Variants in PLIN3 observed in about 807,000 individuals in gnomAD.
The protein encoded by PLIN3 is perilipin 3, also known as perilipin-3.
In PLIN3, 30 loss-of-function variants were observed where a neutral mutation model predicts 35.9. The ratio of observed to expected loss-of-function variants is 0.84; its 90% CI spans 0.62 to 1.13. The LOEUF (loss-of-function observed/expected upper bound fraction) is 1.13. Among genes scored for constraint, PLIN3 ranks in the 50% most tolerant of loss-of-function variants. PLIN3 has a pLI of 0.00. For missense variants in PLIN3, 603 were observed against 596.9 expected (o/e 1.01, Z -0.11); for synonymous variants, 261 against 262.5 (o/e 0.99, Z 0.06).
At chr19:4,865,818 G>A (rs952051025) in intron 1 of PLIN3, among the ~76,000 whole-genome samples, 6 of 146,854 alleles carry the variant, frequency 4.1e-5, no homozygotes, top group African/African-American at 1.5e-4. Context: ...CTGCCTCCCC[G>A]GTTCACGCCA....
In PLIN3 at chr19:4,845,553, T is replaced by C. The variant is rs372465455; in HGVS notation, c.835-760A>G. 2.0e-4 allele frequency among the ~76,000 whole-genome samples: 31 copies of C among 152,198 alleles called. No homozygotes were observed. The South Asian group carries it at 6.2e-3, about 31-fold the overall frequency. The stretch of plus-strand genomic sequence containing the variant: ...GGGAGGCCAAGGGGGTTGGATCAGT[T>C]GAGCTCAGTAGCTCCAGAACAGCAT... On this transcript the variant is annotated intron_variant, in intron 6 of 7. Transcript: ENST00000221957.
intron 2 of PLIN3, among the ~76,000 whole-genome samples, chr19:4,860,511 T>G (rs2030640450): frequency 6.6e-6 from 1 of 152,020 alleles, no homozygotes; most frequent in Admixed American, 6.6e-5. Flanking sequence ...CCCACGTGCT[T>G]CCTTGAACAC....
Position 4,859,946 on chromosome 19 carries a change from T to C in PLIN3, c.145A>G (p.Thr49Ala). 1 of 1,614,078 alleles carries C rather than the reference T, an allele frequency of 6.2e-7. No individual in the cohort carries two copies. Among genetic ancestry groups the C allele is most frequent in the Non-Finnish European group, 8.5e-7 (1 of 1,179,984 alleles). The change falls in exon 3 of 8, where the codon ACC (threonine) becomes GCC (alanine). Residue 49 changes from threonine (T) to alanine (A), a missense_variant. Transcript: ENST00000221957. ...CDMVSAAYAS[T>A]KESYPHIKTV... The stretch of plus-strand genomic sequence containing the variant: ...TTGATGTGCGGGTAGCTCTCCTTGG[T>C]GGAGGCATAGGCTGCGGACACCATG...
In PLIN3 at chr19:4,839,778, G is replaced by C. The variant is rs552625870; in HGVS notation, c.961-242C>G. On this transcript the variant is annotated intron_variant, in intron 7 of 7. Coordinates refer to ENST00000221957, the MANE Select transcript of PLIN3 (RefSeq NM_005817.5). ...CCTCTCAGGTTCGCGCCATTCTCCT[G>C]CCTCAGCCTCCCGAGTAGCTGGGAC... is the stretch of plus-strand genomic sequence containing the variant. Among the ~76,000 whole-genome samples the C allele has an allele frequency of 2.4e-3, 355 of 147,244 alleles. 1 individual carries two copies. The highest frequency in any genetic ancestry group is 8.4e-3 in the African/African-American group (333 of 39,820).
At chr19:4,854,931 A>G (rs560822812) in intron 4 of PLIN3, among the ~76,000 whole-genome samples, 3 of 152,014 alleles carry the variant, frequency 2.0e-5, no homozygotes, top group Non-Finnish European at 2.9e-5. Context: ...CCTGGGCAAC[A>G]TAGTAAGACC....
chr19:4,852,398 G>A (rs925833993), intron 4 of PLIN3, 97 bp from the exon 5 acceptor site: 29 of 1,422,078 alleles, frequency 2.0e-5, no homozygotes, highest in East Asian at 4.8e-5. Flanking sequence ...GGCGGGGAGC[G>A]CCATCCCCCG....
intron 7 of PLIN3, among the ~76,000 whole-genome samples, chr19:4,840,116 T>C (rs1362632479): frequency 6.6e-6 from 1 of 151,488 alleles, no homozygotes; most frequent in Non-Finnish European, 1.5e-5. Flanking sequence ...TACAGGCGCG[T>C]GCCACCACGC....
At chr19:4,846,888 AT>A (rs912854737) in intron 6 of PLIN3, among the ~76,000 whole-genome samples, 508 of 138,136 alleles carry the variant, frequency 3.7e-3, no homozygotes, top group Middle Eastern at 0.011. Context: ...GACAGTACGA[AT>A]TTTTTTTTTT....
rs869169763 is a variant in PLIN3, at chr19:4,858,699, T to TA, written c.348+890_348+891insT. Reference sequence around the variant, plus strand: ...GCCTGGCCAGAATATGGTGTTTTTTTGGTTTTTTTTTTTTTTTTTGAGATG... The same window carrying TA: ...GCCTGGCCAGAATATGGTGTTTTTTTAGGTTTTTTTTTTTTTTTTTGAGATG... On this transcript the variant is annotated intron_variant, in intron 4 of 7. Transcript: ENST00000221957. Among the ~76,000 whole-genome samples, 13 of 106,562 alleles carry TA rather than the reference T, an allele frequency of 1.2e-4. No homozygotes were observed. In the East Asian group the frequency reaches 3.1e-3, roughly 26 times the overall value. The allele number at this position is 106,562 out of a possible 152,430, so 69.9% of individuals were successfully genotyped here.
intron 7 of PLIN3, among the ~76,000 whole-genome samples, chr19:4,842,632 C>G (rs934407340): frequency 1.4e-5 from 2 of 142,818 alleles, no homozygotes; most frequent in African/African-American, 2.6e-5. Context: ...AAGGCACACA[C>G]TGGGAGGTAG....
intron 1 of PLIN3, among the ~76,000 whole-genome samples, chr19:4,864,419 G>A (rs2030780637): frequency 6.6e-6 from 1 of 151,684 alleles, no homozygotes; most frequent in African/African-American, 2.4e-5. Context: ...AAAGTGCTGG[G>A]ATTACAGGAT....
At position 4,859,263 on chromosome 19, in the gene PLIN3, T is replaced by A. The variant is rs183851469; in HGVS notation, c.348+327A>T. On this transcript the variant is annotated intron_variant, in intron 4 of 7. Transcript: ENST00000221957. Reference sequence around the variant, plus strand: ...TGGGCTGGGCACCGTGGCTCATTCCTATAATCCCAGCACTTTGAGAGGCTG... The same window carrying A: ...TGGGCTGGGCACCGTGGCTCATTCCAATAATCCCAGCACTTTGAGAGGCTG... Among the ~76,000 whole-genome samples, 4 of 152,272 alleles carry A rather than the reference T, an allele frequency of 2.6e-5. No individual in the cohort carries two copies. The East Asian group carries it at 7.7e-4, about 29-fold the overall frequency.
rs148133604 is a variant in PLIN3, at chr19:4,860,828, G to T, written c.66+501C>A. Among the ~76,000 whole-genome samples, 416 of 152,092 alleles carry T rather than the reference G, an allele frequency of 2.7e-3. 13 individuals carry two copies. The East Asian group carries it at 0.068, about 25-fold the overall frequency. The stretch of plus-strand genomic sequence containing the variant: ...TCTACTAAAAATACAAAAATTAGCC[G>T]GGCGTGGTGGCACATGCCTGTTACC... On this transcript the variant is annotated intron_variant, in intron 2 of 7. Transcript: ENST00000221957.
chr19:4,852,493 C>T (rs996993144), intron 4 of PLIN3, among the ~76,000 whole-genome samples, 192 bp from the exon 5 acceptor site: 1 of 152,164 alleles, frequency 6.6e-6, no homozygotes, highest in Non-Finnish European at 1.5e-5. Flanking sequence ...AGGCAGGGAG[C>T]GCCATCCCCC....
chr19:4,849,747 G>C (rs577357148), intron 5 of PLIN3, among the ~76,000 whole-genome samples: 9 of 151,954 alleles, frequency 5.9e-5, no homozygotes, highest in African/African-American at 1.7e-4. Context: ...CCGCCTCCCG[G>C]GTTCAAGTGA....
intron 7 of PLIN3, among the ~76,000 whole-genome samples, chr19:4,842,908 T>A (rs1233944501): frequency 1.3e-5 from 2 of 152,080 alleles, no homozygotes; most frequent in South Asian, 4.1e-4. Context: ...TTTGATATGA[T>A]CTCATTTCAG....
intron 4 of PLIN3, among the ~76,000 whole-genome samples, chr19:4,859,202 G>A (rs114294009): frequency 6.6e-6 from 1 of 152,272 alleles, no homozygotes; most frequent in African/African-American, 2.4e-5. Flanking sequence ...AAATGGGCAT[G>A]GCTGTGTGCC....
chr19:4,854,508 G>C (rs973689704), intron 4 of PLIN3, among the ~76,000 whole-genome samples: 1 of 151,862 alleles, frequency 6.6e-6, no homozygotes, highest in African/African-American at 2.4e-5. Flanking sequence ...GGTTCAAGCG[G>C]TTCTCCTGCC....
intron 1 of PLIN3, among the ~76,000 whole-genome samples, chr19:4,863,814 C>T (rs532563447): frequency 5.6e-5 from 8 of 142,648 alleles, no homozygotes; most frequent in African/African-American, 2.1e-4. Context: ...GGTGACAGAG[C>T]GAGACTCCAT....
Sources: gnomAD v4.1 joint callset for allele counts (sites outside exome capture counted in the v4.1 genomes callset) on GRCh38, gnomAD v4.1.1 for gene constraint, MANE v1.5 for transcripts, NCBI Gene and HGNC (gene_info 2026-07-23, HGNC 2026-07-21) for gene names.